MECOM: variants seen among roughly 807,000 people sequenced by gnomAD.
MECOM encodes histone-lysine N-methyltransferase MECOM.
Under a neutral mutation model 116.3 loss-of-function variants are expected in MECOM, and 13 were observed. The observed-to-expected ratio is 0.11, with a 90% confidence interval of 0.07 to 0.18. The LOEUF is 0.18. MECOM is among the 10% of genes least tolerant of loss of function. MECOM has a pLI of 1.00. For missense variants in MECOM, 1,299 were observed against 1,509.0 expected (o/e 0.86, Z 2.31); for synonymous variants, 528 against 535.2 (o/e 0.99, Z 0.19).
intron 1 of MECOM, among the ~76,000 whole-genome samples, chr3:169,485,951 AT>A (rs1436245601): frequency 0.024 from 2,385 of 101,274 alleles, 48 homozygotes; most frequent in African/African-American, 0.033. Flanking sequence ...GTATGTATAT[AT>A]GTACATATAT....
chr3:169,643,510 A>G (rs1019210937), intron 1 of MECOM, among the ~76,000 whole-genome samples: 1 of 152,128 alleles, frequency 6.6e-6, no homozygotes, highest in African/African-American at 2.4e-5. Context: ...CAGAATCCAA[A>G]TGGCAGAAAA....
intron 2 of MECOM, among the ~76,000 whole-genome samples, chr3:169,379,175 C>T (rs1387921574): frequency 6.6e-6 from 1 of 150,998 alleles, no homozygotes; most frequent in Non-Finnish European, 1.5e-5. Flanking sequence ...AAAAAAAACC[C>T]TAAGAAGAAT....
intron 2 of MECOM, among the ~76,000 whole-genome samples, chr3:169,227,287 T>G (rs2149512728): frequency 6.6e-6 from 1 of 152,254 alleles, no homozygotes; most frequent in East Asian, 1.9e-4. Flanking sequence ...CTTCATAATA[T>G]TTTGATTATA....
At chr3:169,409,053 A>T (rs1360340135) in intron 1 of MECOM, among the ~76,000 whole-genome samples, 1 of 152,068 alleles carries the variant, frequency 6.6e-6, no homozygotes, top group Non-Finnish European at 1.5e-5. Context: ...AGAAGGGGGG[A>T]AATTGGCCTA....
chr3:169,378,865 T>G (rs1731899397), intron 2 of MECOM, among the ~76,000 whole-genome samples: 1 of 152,064 alleles, frequency 6.6e-6, no homozygotes, highest in Admixed American at 6.6e-5. Flanking sequence ...TAGTAGTCCC[T>G]CAATAATTGT....
intron 1 of MECOM, among the ~76,000 whole-genome samples, chr3:169,445,104 C>T (rs1257652960): frequency 6.6e-6 from 1 of 152,122 alleles, no homozygotes; most frequent in Non-Finnish European, 1.5e-5. Context: ...AATTTGCAGC[C>T]TGATGATGCA....
chr3:169,221,164 A>G (rs1752083700), intron 2 of MECOM, among the ~76,000 whole-genome samples: 1 of 152,220 alleles, frequency 6.6e-6, no homozygotes, highest in Non-Finnish European at 1.5e-5. Flanking sequence ...GCAGTGTTGC[A>G]AAGATTAACT....
intron 1 of MECOM, among the ~76,000 whole-genome samples, chr3:169,635,784 C>T (rs1481118583): frequency 6.6e-6 from 1 of 152,162 alleles, no homozygotes; most frequent in Non-Finnish European, 1.5e-5. Context: ...AGGGAAGGAT[C>T]ATTTTCATAA....
chr3:169,437,021 TA>T (rs1161625824), intron 1 of MECOM, among the ~76,000 whole-genome samples: 43 of 152,296 alleles, frequency 2.8e-4, no homozygotes, highest in African/African-American at 9.9e-4. Context: ...CGGCTAAAAA[TA>T]ATTTCAGAGT....
chr3:169,638,015 C>G (rs1397333866), intron 1 of MECOM, among the ~76,000 whole-genome samples: 1 of 152,192 alleles, frequency 6.6e-6, no homozygotes, highest in Admixed American at 6.5e-5. Flanking sequence ...AAATTCTCAT[C>G]AAGGATGTCT....
At chr3:169,338,600 G>GGT (rs149763365) in intron 2 of MECOM, among the ~76,000 whole-genome samples, 47,564 of 146,358 alleles carry the variant, frequency 0.32, 7,514 homozygotes, top group Admixed American at 0.4. Context: ...TTATGTTAGG[G>GGT]GTGTGTGTGT....
intron 1 of MECOM, among the ~76,000 whole-genome samples, chr3:169,566,686 C>T (rs953666100): frequency 1.3e-5 from 2 of 152,182 alleles, no homozygotes; most frequent in Non-Finnish European, 2.9e-5. Flanking sequence ...ACAGATCACC[C>T]TGGCAACCCA....
At chr3:169,401,177 C>T (rs909976723) in intron 1 of MECOM, among the ~76,000 whole-genome samples, 3 of 152,192 alleles carry the variant, frequency 2.0e-5, no homozygotes, top group African/African-American at 7.2e-5. Context: ...TGCCAAACCC[C>T]AGACAGCACG....
At chr3:169,388,859 A>G (rs919881629) in intron 1 of MECOM, among the ~76,000 whole-genome samples, 6 of 152,162 alleles carry the variant, frequency 3.9e-5, no homozygotes, top group Non-Finnish European at 8.8e-5. Flanking sequence ...TCATAGTACC[A>G]TGCTATTCCA....
At chr3:169,284,392 A>AT in intron 2 of MECOM, among the ~76,000 whole-genome samples, 1 of 152,028 alleles carries the variant, frequency 6.6e-6, no homozygotes, top group Non-Finnish European at 1.5e-5. Context: ...TAAGAAGTCT[A>AT]TTTTTCCCTC....
At chr3:169,547,381 AC>A (rs1469538279) in intron 1 of MECOM, among the ~76,000 whole-genome samples, 2 of 152,090 alleles carry the variant, frequency 1.3e-5, no homozygotes, top group African/African-American at 4.8e-5. Flanking sequence ...CTCATAAATT[AC>A]CCAGTCTCAG....
intron 2 of MECOM, among the ~76,000 whole-genome samples, chr3:169,370,863 CTG>C (rs1197975131): frequency 2.0e-4 from 30 of 151,940 alleles, no homozygotes; most frequent in African/African-American, 5.1e-4. Context: ...GTTAGAATGA[CTG>C]TTATTGGCGA....
At chr3:169,206,987 A>C (rs1020016800) in intron 2 of MECOM, among the ~76,000 whole-genome samples, 3 of 152,216 alleles carry the variant, frequency 2.0e-5, no homozygotes, top group Admixed American at 2.0e-4. Flanking sequence ...TGACTTTAAA[A>C]GCAGTTTGAA....
intron 2 of MECOM, among the ~76,000 whole-genome samples, chr3:169,205,466 C>T (rs898581801): frequency 5.7e-4 from 86 of 152,188 alleles, no homozygotes; most frequent in African/African-American, 2.0e-3. Context: ...CCGTACTGTA[C>T]ATTCCATTCC....
Sources: gnomAD v4.1 joint callset for allele counts (sites outside exome capture counted in the v4.1 genomes callset) on GRCh38, gnomAD v4.1.1 for gene constraint, MANE v1.5 for transcripts, NCBI Gene and HGNC (gene_info 2026-07-23, HGNC 2026-07-21) for gene names.